Variants in LURAP1L observed in about 807,000 individuals in gnomAD.
LURAP1L encodes the protein leucine rich adaptor protein 1 like, also known as leucine rich adaptor protein 1-like.
LURAP1L carries 12 observed loss-of-function variants against 13.8 expected under a neutral mutation model. The ratio of observed to expected loss-of-function variants is 0.87; its 90% CI spans 0.56 to 1.41. The LOEUF (loss-of-function observed/expected upper bound fraction) is 1.41, where lower values mean the gene tolerates loss of function less well. LURAP1L is among the 40% of genes most tolerant of loss of function. The pLI, the probability that LURAP1L is intolerant of heterozygous loss-of-function variation, is 0.00. For synonymous variants in LURAP1L, 139 were observed against 119.2 expected (o/e 1.17, Z -1.08); for missense variants, 375 against 292.9 (o/e 1.28, Z -2.04).
intron 1 of LURAP1L, among the ~76,000 whole-genome samples, chr9:12,797,885 A>G (rs139156333): frequency 8.4e-4 from 128 of 152,260 alleles, no homozygotes; most frequent in African/African-American, 3.0e-3. Flanking sequence ...TTGAACATAA[A>G]TTCATTTTGT....
At chr9:12,807,539 C>T (rs1008324562) in intron 1 of LURAP1L, among the ~76,000 whole-genome samples, 31 of 152,130 alleles carry the variant, frequency 2.0e-4, no homozygotes, top group Non-Finnish European at 1.6e-4. Flanking sequence ...TTTTCCTTCA[C>T]CTGCATAGTG....
At chr9:12,800,991 A>G (rs1819578440) in intron 1 of LURAP1L, among the ~76,000 whole-genome samples, 1 of 152,218 alleles carries the variant, frequency 6.6e-6, no homozygotes, top group Non-Finnish European at 1.5e-5. Context: ...TCTCAGGGTT[A>G]TACTTGCTCA....
At chr9:12,783,284 A>G (rs911515278) in intron 1 of LURAP1L, among the ~76,000 whole-genome samples, 2 of 152,060 alleles carry the variant, frequency 1.3e-5, no homozygotes, top group Non-Finnish European at 2.9e-5. Context: ...CCTTATTTCC[A>G]GACCTTAGAG....
At chr9:12,788,633 T>C (rs573267825) in intron 1 of LURAP1L, among the ~76,000 whole-genome samples, 7 of 152,202 alleles carry the variant, frequency 4.6e-5, no homozygotes, top group Admixed American at 4.6e-4. Flanking sequence ...AAAATTATGT[T>C]GTAAATTTAT....
intron 1 of LURAP1L, among the ~76,000 whole-genome samples, chr9:12,799,906 T>C (rs1438880838): frequency 6.6e-6 from 1 of 151,050 alleles, no homozygotes; most frequent in Non-Finnish European, 1.5e-5. Flanking sequence ...TTTTATGATA[T>C]ATATTCTATG....
At chr9:12,793,924 C>T (rs894477672) in intron 1 of LURAP1L, among the ~76,000 whole-genome samples, 2 of 151,980 alleles carry the variant, frequency 1.3e-5, no homozygotes, top group Admixed American at 1.3e-4. Flanking sequence ...AGGCTTAATT[C>T]AAAAAATGGA....
intron 1 of LURAP1L, among the ~76,000 whole-genome samples, chr9:12,778,886 A>T (rs1819228258): frequency 6.6e-6 from 1 of 152,226 alleles, no homozygotes. Flanking sequence ...TCCATGGGAG[A>T]TATGTTCCAA....
intron 1 of LURAP1L, among the ~76,000 whole-genome samples, chr9:12,809,107 G>A (rs567525515): frequency 3.9e-5 from 6 of 152,152 alleles, no homozygotes; most frequent in East Asian, 1.9e-4. Flanking sequence ...TCACATGAAC[G>A]TAGAATGATA....
Position 12,821,749 on chromosome 9 carries a change from T to A in LURAP1L, c.676T>A (p.Cys226Ser). The A allele has an allele frequency of 6.2e-7, 1 of 1,609,660 alleles. No homozygotes were observed. The highest frequency in any genetic ancestry group is 2.2e-5 in the East Asian group (1 of 44,766). ...KRPKLDSEYY[C>S]FG Reference sequence around the variant, plus strand: ...TCCTAAATTGGATTCTGAATACTACTGCTTTGGCTAGTGACAGTTTTTTGC... The same window carrying A: ...TCCTAAATTGGATTCTGAATACTACAGCTTTGGCTAGTGACAGTTTTTTGC... The change falls in exon 2 of 2, where the codon TGC becomes AGC. Residue 226 changes from cysteine (C) to serine (S), a missense_variant. Coordinates refer to ENST00000319264, the MANE Select transcript of LURAP1L (RefSeq NM_203403.2).
rs545440632 is a variant in LURAP1L at position 12,819,477 on chromosome 9, A to T, written c.313-1909A>T. 2.6e-5 allele frequency among the ~76,000 whole-genome samples: 4 copies of T among 152,302 alleles called. No individual in the cohort carries two copies. The South Asian group carries it at 8.3e-4, about 32-fold the overall frequency. On this transcript the variant is annotated intron_variant, in intron 1 of 1. Coordinates refer to ENST00000319264, the MANE Select transcript of LURAP1L (RefSeq NM_203403.2). ...CATACAGAAATATTTTTACAATACA[A>T]ATGAATACTTTTGAGGACAATTCGC...
chr9:12,799,265 T>C (rs1230232264), intron 1 of LURAP1L, among the ~76,000 whole-genome samples: 1 of 152,196 alleles, frequency 6.6e-6, no homozygotes, highest in Non-Finnish European at 1.5e-5. Flanking sequence ...GCACTAGAAA[T>C]CTCTGATTCC....
chr9:12,776,372 C>T (rs1292902951), intron 1 of LURAP1L, among the ~76,000 whole-genome samples: 2 of 152,148 alleles, frequency 1.3e-5, no homozygotes, highest in African/African-American at 4.8e-5. Context: ...GCAGTTATTG[C>T]ACCCATCTAA....
At chr9:12,784,095 T>A (rs1453342749) in intron 1 of LURAP1L, among the ~76,000 whole-genome samples, 1 of 152,150 alleles carries the variant, frequency 6.6e-6, no homozygotes, top group Non-Finnish European at 1.5e-5. Context: ...TCTGAATTCT[T>A]TCTCTCTGTT....
intron 1 of LURAP1L, among the ~76,000 whole-genome samples, chr9:12,820,362 G>A (rs1466242390): frequency 2.6e-5 from 4 of 151,780 alleles, no homozygotes; most frequent in Admixed American, 1.3e-4. Flanking sequence ...AATTAGCCGG[G>A]CGTGGTGGCG....
rs1321667952 is a variant in LURAP1L at position 12,822,071 on chromosome 9, C to G, written c.*311C>G. On this transcript the variant is annotated 3_prime_UTR_variant, in exon 2 of 2. Coordinates refer to ENST00000319264, the MANE Select transcript of LURAP1L (RefSeq NM_203403.2). ...TGCTTTTGTTTTCAGAGCAATGGGT[C>G]AGGGATTACAAGAAAAACTTTGCTA... 1 of 235,834 alleles carries G rather than the reference C, an allele frequency of 4.2e-6. No individual in the cohort carries two copies. Among genetic ancestry groups the G allele is most frequent in the African/African-American group, 2.3e-5 (1 of 44,096 alleles). 14.6% of individuals were successfully genotyped at this position (235,834 alleles called of 1,614,324 possible).
intron 1 of LURAP1L, among the ~76,000 whole-genome samples, chr9:12,808,986 G>A (rs1819700243): frequency 6.6e-6 from 1 of 152,126 alleles, no homozygotes; most frequent in Non-Finnish European, 1.5e-5. Context: ...TCTACTTCTG[G>A]TTAGGTCCTC....
chr9:12,775,706 C>T lies in LURAP1L; in HGVS notation c.-10C>T. On this transcript the variant is annotated 5_prime_UTR_variant, in exon 1 of 2. Transcript: ENST00000319264. Reference sequence around the variant, plus strand: ...CGTTTTATTACTATTATCGCCGTTCCGGAAAAGTCATGGAAGACAGCCCGC... The same window carrying T: ...CGTTTTATTACTATTATCGCCGTTCTGGAAAAGTCATGGAAGACAGCCCGC... 1.3e-6 allele frequency: 2 copies of T among 1,555,984 alleles called. No individual in the cohort carries two copies. Among genetic ancestry groups the T allele is most frequent in the Non-Finnish European group, 1.7e-6 (2 of 1,157,480 alleles).
At chr9:12,789,197 A>G (rs1171950989) in intron 1 of LURAP1L, among the ~76,000 whole-genome samples, 1 of 152,070 alleles carries the variant, frequency 6.6e-6, no homozygotes, top group African/African-American at 2.4e-5. Context: ...AGGAACCACA[A>G]CTCTGTGTTT....
Position 12,786,547 on chromosome 9 carries a change from CATATATATAT to C in LURAP1L, c.312+10546_312+10555del, listed in dbSNP as rs67654649. On this transcript the variant is annotated intron_variant, in intron 1 of 1. Coordinates refer to ENST00000319264, the MANE Select transcript of LURAP1L (RefSeq NM_203403.2). ...AAATGGCTAACATGTATATATATGA[CATATATATAT>C]ATATATATATATATATATATATATA... is the stretch of plus-strand genomic sequence containing the variant. Among the ~76,000 whole-genome samples the C allele has an allele frequency of 4.5e-3, 237 of 53,036 alleles. 4 individuals carry two copies. The highest frequency in any genetic ancestry group is 0.01 in the African/African-American group (127 of 12,214). The allele number at this position is 53,036 out of a possible 152,430, so 34.8% of individuals were successfully genotyped here.
Sources: gnomAD v4.1 joint callset for allele counts (sites outside exome capture counted in the v4.1 genomes callset) on GRCh38, gnomAD v4.1.1 for gene constraint, MANE v1.5 for transcripts, NCBI Gene and HGNC (gene_info 2026-07-23, HGNC 2026-07-21) for gene names.